The following MAPKAP1 variants were observed in gnomAD, a reference collection of about 807,000 sequenced individuals.
The protein encoded by MAPKAP1 is MAPK associated protein 1, also known as target of rapamycin complex 2 subunit MAPKAP1.
A neutral mutation model predicts 65.7 loss-of-function variants in MAPKAP1; 20 were observed. The observed-to-expected ratio is 0.30, with a 90% CI of 0.21 to 0.44. The LOEUF is 0.44. Ranked by LOEUF, MAPKAP1 falls within the 20% of genes least tolerant of loss-of-function variation. The pLI is 1.00. For synonymous variants in MAPKAP1, 222 were observed against 244.3 expected (o/e 0.91, Z 0.85); for missense variants, 423 against 648.0 (o/e 0.65, Z 3.77).
chr9:125,512,425 C>T (rs761470742), intron 7 of MAPKAP1, among the ~76,000 whole-genome samples: 81 of 152,308 alleles, frequency 5.3e-4, no homozygotes, highest in Non-Finnish European at 2.6e-4. Flanking sequence ...TTCTCCTTTG[C>T]CCATCAGGAA....
At chr9:125,556,097 G>A (rs1702841145) in intron 6 of MAPKAP1, among the ~76,000 whole-genome samples, 1 of 152,206 alleles carries the variant, frequency 6.6e-6, no homozygotes, top group Non-Finnish European at 1.5e-5. Flanking sequence ...CTAAGATGAT[G>A]CGTACATATG....
intron 10 of MAPKAP1, among the ~76,000 whole-genome samples, chr9:125,458,978 C>T (rs1336374758): frequency 2.6e-3 from 264 of 101,210 alleles, no homozygotes; most frequent in African/African-American, 1.0e-2. Context: ...ACTTCCCAGA[C>T]GGGGTGGCTG....
Position 125,686,466 on chromosome 9 carries a change from TC to T in MAPKAP1, c.-69-13824del, listed in dbSNP as rs201879591. On this transcript the variant is annotated intron_variant, in intron 1 of 11. Transcript: ENST00000265960. ...GGACAAGTGACTTCTTTAAACCTCA[TC>T]TGTTCTTATGTCTGTTAAATAGCAT... Among the ~76,000 whole-genome samples the T allele has an allele frequency of 3.9e-3, 599 of 152,294 alleles. 3 individuals are homozygous for T. Among genetic ancestry groups the T allele is most frequent in the African/African-American group, 0.013 (556 of 41,558 alleles).
intron 9 of MAPKAP1, among the ~76,000 whole-genome samples, chr9:125,469,351 T>TC (rs1306173543): frequency 6.6e-6 from 1 of 150,748 alleles, no homozygotes; most frequent in Non-Finnish European, 1.5e-5. Context: ...TCAATTAACC[T>TC]CCCCCCAAAA....
intron 10 of MAPKAP1, among the ~76,000 whole-genome samples, chr9:125,449,004 CAAA>C (rs11358978): frequency 4.5e-5 from 4 of 89,038 alleles, no homozygotes; most frequent in Non-Finnish European, 4.7e-5. Context: ...GACTCTGTCT[CAAA>C]AAAAAAAAAA....
intron 1 of MAPKAP1, among the ~76,000 whole-genome samples, chr9:125,692,370 T>A (rs1350870441): frequency 6.6e-6 from 1 of 152,248 alleles, no homozygotes; most frequent in African/African-American, 2.4e-5. Context: ...ACAACACAGA[T>A]GAACCTTGAA....
intron 4 of MAPKAP1, among the ~76,000 whole-genome samples, chr9:125,642,954 C>G (rs1334364740): frequency 6.6e-6 from 1 of 151,978 alleles, no homozygotes; most frequent in Middle Eastern, 3.2e-3. Context: ...GGCTGGAGTG[C>G]AGCAGTGCAA....
chr9:125,677,702 T>C (rs1339971695), intron 1 of MAPKAP1, among the ~76,000 whole-genome samples: 1 of 151,914 alleles, frequency 6.6e-6, no homozygotes, highest in Admixed American at 6.6e-5. Flanking sequence ...TCAAAAATAA[T>C]AATAATAATA....
Position 125,691,261 on chromosome 9 carries a change from A to AAAAAC in MAPKAP1, c.-70+15705_-70+15709dup, listed in dbSNP as rs370495455. On this transcript the variant is annotated intron_variant, in intron 1 of 11. Transcript: ENST00000265960. ...GGGTGACAGAGCAAGACTCCGTCTC[A>AAAAAC]AAAACAAAACAAAACAAAACAAAAC... Among the ~76,000 whole-genome samples the AAAAAC allele has an allele frequency of 4.9e-3, 746 of 152,242 alleles. 3 individuals carry two copies. The highest frequency in any genetic ancestry group is 9.1e-3 in the African/African-American group (378 of 41,528).
intron 1 of MAPKAP1, among the ~76,000 whole-genome samples, chr9:125,673,657 C>T (rs1834559663): frequency 6.6e-6 from 1 of 152,182 alleles, no homozygotes; most frequent in Non-Finnish European, 1.5e-5. Flanking sequence ...CAGTGATTCA[C>T]ACCTGTACTC....
chr9:125,682,509 C>T (rs1834854126), intron 1 of MAPKAP1, among the ~76,000 whole-genome samples: 1 of 152,204 alleles, frequency 6.6e-6, no homozygotes, highest in African/African-American at 2.4e-5. Context: ...CCACCACCCC[C>T]AAAACTTCAA....
chr9:125,639,142 G>A (rs761162233), intron 4 of MAPKAP1, among the ~76,000 whole-genome samples: 1 of 152,236 alleles, frequency 6.6e-6, no homozygotes, highest in Non-Finnish European at 1.5e-5. Context: ...TGGGGAGCAT[G>A]AGGCAGGAGA....
chr9:125,557,268 C>T (rs1830763415), intron 6 of MAPKAP1, among the ~76,000 whole-genome samples: 1 of 152,232 alleles, frequency 6.6e-6, no homozygotes, highest in East Asian at 1.9e-4. Context: ...TGATTTAAAG[C>T]CTCTTGCTTT....
intron 9 of MAPKAP1, among the ~76,000 whole-genome samples, chr9:125,481,785 G>C (rs1263706262): frequency 1.3e-5 from 2 of 152,080 alleles, no homozygotes; most frequent in African/African-American, 4.8e-5. Context: ...TATTGGGCAA[G>C]TACTGCAGCT....
chr9:125,596,963 T>TTAA (rs746654903), intron 4 of MAPKAP1, among the ~76,000 whole-genome samples: 4 of 129,352 alleles, frequency 3.1e-5, no homozygotes, highest in African/African-American at 8.8e-5. Flanking sequence ...AAATGTGTCT[T>TTAA]AAAAAAAAAA....
At position 125,639,289 on chromosome 9, in the gene MAPKAP1, G is replaced by A. The variant is rs116221707; in HGVS notation, c.498+18362C>T. The stretch of plus-strand genomic sequence containing the variant: ...AAACAAAAAACCACTATCTGGAGCT[G>A]TGCCTAGGTTCAAATTGCAGACTCC... On this transcript the variant is annotated intron_variant, in intron 4 of 11. Coordinates refer to ENST00000265960, the MANE Select transcript of MAPKAP1 (RefSeq NM_001006617.3). Among the ~76,000 whole-genome samples the A allele has an allele frequency of 2.5e-3, 385 of 152,130 alleles. 2 individuals carry two copies. Among genetic ancestry groups the A allele is most frequent in the African/African-American group, 8.4e-3 (351 of 41,542 alleles).
At chr9:125,578,248 T>A (rs895751346) in intron 5 of MAPKAP1, among the ~76,000 whole-genome samples, 13 of 151,706 alleles carry the variant, frequency 8.6e-5, no homozygotes, top group African/African-American at 2.9e-4. Context: ...TCGTTAGGAG[T>A]CATCACCACT....
chr9:125,581,659 T>G (rs1831630266), intron 5 of MAPKAP1, among the ~76,000 whole-genome samples: 2 of 152,228 alleles, frequency 1.3e-5, no homozygotes, highest in African/African-American at 4.8e-5. Flanking sequence ...CACAGGGTCT[T>G]TTGCAGAGCA....
chr9:125,577,753 A>G (rs531510790), intron 5 of MAPKAP1, among the ~76,000 whole-genome samples: 1 of 132,770 alleles, frequency 7.5e-6, no homozygotes, highest in African/African-American at 2.8e-5. Context: ...GGCCGCCCCT[A>G]CTGGGAAGTG....
Sources: allele counts gnomAD v4.1 joint callset (sites outside exome capture counted in the v4.1 genomes callset), GRCh38; gene constraint gnomAD v4.1.1; transcripts MANE v1.5; gene names NCBI Gene and HGNC (gene_info 2026-07-23, HGNC 2026-07-21).